CENPF: variants seen among roughly 807,000 people sequenced by gnomAD.
The protein encoded by CENPF is AH antigen.
CENPF carries 214 observed loss-of-function variants against 307.3 expected under a neutral mutation model. That is an observed-to-expected ratio of 0.70 (90% CI 0.62 to 0.78). CENPF has a LOEUF of 0.78. CENPF is among the 30% of genes least tolerant of loss of function. The pLI, the probability that CENPF is intolerant of heterozygous loss-of-function variation, is 0.00. For synonymous variants in CENPF, 1,259 were observed against 1,270.6 expected (o/e 0.99, Z 0.19); for missense variants, 3,401 against 3,483.9 (o/e 0.98, Z 0.60).
intron 2 of CENPF, among the ~76,000 whole-genome samples, 163 bp from the exon 3 acceptor site, chr1:214,614,669 C>G (rs1256296240): frequency 6.6e-6 from 1 of 152,160 alleles, no homozygotes; most frequent in African/African-American, 2.4e-5. Context: ...AGTTTCCTAT[C>G]TATTGGCTTC....
intron 14 of CENPF, among the ~76,000 whole-genome samples, chr1:214,651,026 C>T (rs958288132): frequency 1.3e-5 from 2 of 152,158 alleles, no homozygotes; most frequent in African/African-American, 2.4e-5. Context: ...AAGAATGTGC[C>T]TTTAGTTTGC....
chr1:214,633,329 G>C (rs778121312), intron 10 of CENPF, among the ~76,000 whole-genome samples: 3 of 152,114 alleles, frequency 2.0e-5, no homozygotes, highest in Non-Finnish European at 2.9e-5. Flanking sequence ...TTAGTGGCCT[G>C]GATTTTATTT....
At position 214,622,112 on chromosome 1, in the gene CENPF, G is replaced by C; in HGVS notation, c.899G>C (p.Arg300Pro). 1 of 1,613,984 alleles carries C rather than the reference G, an allele frequency of 6.2e-7. No individual in the cohort carries two copies. Among genetic ancestry groups the C allele is most frequent in the South Asian group, 1.1e-5 (1 of 91,062 alleles). ...LRNKINELEL[R>P]LQGHEKEMKG... ...AACAAGATTAATGAGTTGGAACTAC[G>C]CCTGCAAGGACATGAAAAAGAAATG... is the stretch of plus-strand genomic sequence containing the variant. The change falls in exon 7 of 20, where the codon CGC becomes CCC. Residue 300 changes from arginine (R) to proline (P), a missense_variant. Transcript: ENST00000366955.
intron 1 of CENPF, chr1:214,605,532 T>G (rs956542185): frequency 5.0e-5 from 31 of 619,284 alleles, no homozygotes; most frequent in Non-Finnish European, 7.9e-5. Context: ...GTAGCTCTGT[T>G]GCCTGTACAT....
chr1:214,627,806 C>G (rs79733184), intron 7 of CENPF, among the ~76,000 whole-genome samples: 3,106 of 152,268 alleles, frequency 0.02, 45 homozygotes, highest in African/African-American at 0.043. Context: ...ATGTCCTTGT[C>G]AAATGTGTAA....
At chr1:214,643,590 A>G (rs917887104) in intron 12 of CENPF, among the ~76,000 whole-genome samples, 3 of 152,190 alleles carry the variant, frequency 2.0e-5, no homozygotes, top group Admixed American at 2.0e-4. Flanking sequence ...GTCTGGAGAA[A>G]ATTATATTAT....
At position 214,640,574 on chromosome 1, in the gene CENPF, A is replaced by G; in HGVS notation, c.2236A>G (p.Ile746Val). 6.2e-7 allele frequency: 1 copy of G among 1,614,114 alleles called. No individual in the cohort carries two copies. Among genetic ancestry groups the G allele is most frequent in the Non-Finnish European group, 8.5e-7 (1 of 1,179,956 alleles). Residue 746 changes from isoleucine (I) to valine (V), a missense_variant, in exon 12 of 20, where the codon ATA (isoleucine) becomes GTA (valine). Ile to Val is a conservative substitution (Grantham distance 29, BLOSUM62 3). Coordinates refer to ENST00000366955, the MANE Select transcript of CENPF (RefSeq NM_016343.4). ...CAAGCTTCAGTTACTGTCAAATGAAATAATGGACAAAGACCGGTGTTACCA... is the reference window on the plus strand; with the variant it reads ...CAAGCTTCAGTTACTGTCAAATGAAGTAATGGACAAAGACCGGTGTTACCA... ...EHKLQLLSNE[I>V]MDKDRCYQDL...
chr1:214,630,674 GTC>G lies in CENPF; in HGVS notation c.1323+25_1323+26del, dbSNP rs151037491. The G allele has an allele frequency of 1.6e-4, 260 of 1,583,836 alleles. No individual in the cohort carries two copies. The highest frequency in any genetic ancestry group is 4.1e-4 in the South Asian group (36 of 87,348). On this transcript the variant is annotated intron_variant, in intron 9 of 19. Coordinates refer to ENST00000366955, the MANE Select transcript of CENPF (RefSeq NM_016343.4). ...CTGAACTGGATAAAGTAGGGGCCGT[GTC>G]TCTCTCTCTCTCCTTAATCATCCCC...
rs138983504 is a variant in CENPF at position 214,640,258 on chromosome 1, G to C, written c.1920G>C (p.Leu640Phe). 3.7e-5 allele frequency: 59 copies of C among 1,613,368 alleles called. No homozygotes were observed. Among genetic ancestry groups the C allele is most frequent in the Admixed American group, 5.0e-5 (3 of 59,900 alleles). ...LTQMESEKEN[L>F]QSKINHLETC... is the part of the protein sequence containing the mutation. ...AGATGGAATCAGAAAAGGAAAACTT[G>C]CAGAGTAAAATTAATCACTTGGAAA... The change falls in exon 12 of 20, where the codon TTG becomes TTC. Residue 640 changes from leucine to phenylalanine, a missense_variant. Physicochemically the swap from Leu to Phe is conservative, Grantham distance 22. Coordinates refer to ENST00000366955, the MANE Select transcript of CENPF (RefSeq NM_016343.4).
At position 214,614,927 on chromosome 1, in the gene CENPF, T is replaced by G. The variant is rs748562720; in HGVS notation, c.258T>G (p.Ile86Met). 3 of 1,612,174 alleles carry G rather than the reference T, an allele frequency of 1.9e-6. No homozygotes were observed. The highest frequency in any genetic ancestry group is 2.5e-6 in the Non-Finnish European group (3 of 1,179,112). Residue 86 changes from isoleucine (I) to methionine (M), a missense_variant, in exon 3 of 20, where the codon ATT (isoleucine) becomes ATG (methionine). Ile to Met is a conservative substitution (Grantham distance 10). Coordinates refer to ENST00000366955, the MANE Select transcript of CENPF (RefSeq NM_016343.4). ...CESLEKTKQK[I>M]SHELQVKESQ... is the part of the protein sequence containing the mutation. Reference sequence around the variant, plus strand: ...GTCTGGAGAAAACTAAGCAGAAGATTTCTCATGAACTTCAAGTCAAGGAGT... The same window carrying G: ...GTCTGGAGAAAACTAAGCAGAAGATGTCTCATGAACTTCAAGTCAAGGAGT...
rs1401830567 is a variant in CENPF, at chr1:214,646,149, G to A, written c.6579G>A (p.Glu2193=). Residue 2193 remains glutamate, a synonymous_variant, in exon 13 of 20, where the codon GAG becomes GAA. Coordinates refer to ENST00000366955, the MANE Select transcript of CENPF (RefSeq NM_016343.4). ...AGACTCTAAAAACACAAATAGAAGAGATGGCCAGAAGCCTGAAAGTTTTTG... is the reference window on the plus strand; with the variant it reads ...AGACTCTAAAAACACAAATAGAAGAAATGGCCAGAAGCCTGAAAGTTTTTG... ...EVETLKTQIE[E]MARSLKVFEL... 54 of 1,613,738 alleles carry A rather than the reference G, an allele frequency of 3.3e-5. No homozygotes were observed. The highest frequency in any genetic ancestry group is 4.1e-5 in the Non-Finnish European group (48 of 1,179,988).
intron 7 of CENPF, among the ~76,000 whole-genome samples, chr1:214,625,799 G>C (rs1197075336): frequency 2.0e-5 from 3 of 151,958 alleles, no homozygotes. Flanking sequence ...CAGTCTGTTG[G>C]TGTCTTCATT....
intron 3 of CENPF, among the ~76,000 whole-genome samples, chr1:214,615,503 C>G (rs954718897): frequency 1.3e-5 from 2 of 152,016 alleles, no homozygotes; most frequent in East Asian, 3.9e-4. Context: ...CTCGTGTTTT[C>G]TCTGGGTGGA....
chr1:214,658,515 C>T (rs1408566750), intron 18 of CENPF, among the ~76,000 whole-genome samples: 1 of 151,822 alleles, frequency 6.6e-6, no homozygotes, highest in African/African-American at 2.4e-5. Flanking sequence ...TACAATAAGG[C>T]CTGCTGGCAT....
In CENPF at chr1:214,645,394, A is replaced by G; in HGVS notation, c.5824A>G (p.Lys1942Glu). The change falls in exon 13 of 20, where the codon AAG becomes GAG. Residue 1942 changes from lysine to glutamate, a missense_variant. Coordinates refer to ENST00000366955, the MANE Select transcript of CENPF (RefSeq NM_016343.4). Reference protein sequence around the residue: ...KLCLEKDNENKQKVIVCLEEE... With the variant: ...KLCLEKDNENEQKVIVCLEEE... ...ATGTTTAGAAAAAGACAATGAAAAT[A>G]AGCAGAAGGTTATTGTCTGCCTTGA... 6.2e-7 allele frequency: 1 copy of G among 1,614,174 alleles called. No homozygotes were observed. Among genetic ancestry groups the G allele is most frequent in the Non-Finnish European group, 8.5e-7 (1 of 1,180,042 alleles).
chr1:214,614,098 CA>C (rs1657272578), intron 2 of CENPF, among the ~76,000 whole-genome samples, 182 bp downstream of exon 2: 2 of 135,380 alleles, frequency 1.5e-5, no homozygotes, highest in Admixed American at 7.2e-5. Context: ...CCCCAGGCCC[CA>C]ATCCCCTTCT....
At position 214,645,801 on chromosome 1, in the gene CENPF, C is replaced by G; in HGVS notation, c.6231C>G (p.Ala2077=). ...LLVKESESLQ[A]RLSESDYEKL... ...TCAAGGAATCTGAAAGCCTGCAGGC[C>G]AGACTGAGTGAATCAGATTATGAAA... Residue 2077 remains alanine (A), a synonymous_variant, in exon 13 of 20, where the codon GCC becomes GCG. Transcript: ENST00000366955. 1.9e-6 allele frequency: 3 copies of G among 1,614,080 alleles called. No individual in the cohort carries two copies. The highest frequency in any genetic ancestry group is 2.5e-6 in the Non-Finnish European group (3 of 1,180,014).
At chr1:214,643,353 C>T (rs1658190303) in intron 12 of CENPF, 29 bp downstream of exon 12, 1 of 1,453,402 alleles carries the variant, frequency 6.9e-7, no homozygotes, top group East Asian at 2.5e-5. Flanking sequence ...AATGCCATTT[C>T]TCGGTTTACA....
intron 14 of CENPF, among the ~76,000 whole-genome samples, chr1:214,650,577 T>G (rs1006436797): frequency 4.6e-5 from 7 of 152,048 alleles, no homozygotes; most frequent in Non-Finnish European, 1.5e-5. Flanking sequence ...GGGTCTCATG[T>G]TCTGGAAATC....
Sources: gnomAD v4.1 joint callset for allele counts (sites outside exome capture counted in the v4.1 genomes callset) on GRCh38, gnomAD v4.1.1 for gene constraint, MANE v1.5 for transcripts, NCBI Gene and HGNC (gene_info 2026-07-23, HGNC 2026-07-21) for gene names.